The following SORCS1 variants were observed in gnomAD, a reference collection of about 807,000 sequenced individuals.
SORCS1 encodes the protein sortilin related VPS10 domain containing receptor 1.
A neutral mutation model predicts 146.1 loss-of-function variants in SORCS1; 60 were observed. That is an observed-to-expected ratio of 0.41 (90% CI 0.33 to 0.51). The LOEUF is 0.51. Among genes scored for constraint, SORCS1 ranks in the 20% least tolerant of loss-of-function variants. The pLI, the probability that SORCS1 is intolerant of heterozygous loss-of-function variation, is 0.21. For synonymous variants in SORCS1, 637 were observed against 584.0 expected (o/e 1.09, Z -1.31); for missense variants, 1,352 against 1,487.6 (o/e 0.91, Z 1.50).
intron 2 of SORCS1, among the ~76,000 whole-genome samples, chr10:106,859,433 C>T (rs1461006332): frequency 2.0e-5 from 3 of 152,246 alleles, no homozygotes; most frequent in Middle Eastern, 3.4e-3. Flanking sequence ...CTCACTTTGT[C>T]ACCAGGCTGG....
intron 24 of SORCS1, 48 bp from the exon 25 acceptor site, chr10:106,579,522 G>T (rs948835765): frequency 6.3e-7 from 1 of 1,590,086 alleles, no homozygotes. Context: ...AACTGGGCAG[G>T]TGAGACTCTA....
At chr10:106,736,661 G>C (rs12257570) in intron 5 of SORCS1, among the ~76,000 whole-genome samples, 1 of 119,836 alleles carries the variant, frequency 8.3e-6, no homozygotes, top group African/African-American at 3.1e-5. Flanking sequence ...TTTTTGAATA[G>C]ATCATCTTAG....
chr10:106,811,126 G>A (rs952283113), intron 3 of SORCS1, among the ~76,000 whole-genome samples: 2 of 151,946 alleles, frequency 1.3e-5, no homozygotes, highest in Non-Finnish European at 2.9e-5. Flanking sequence ...TTTTAGTAGA[G>A]ACGGGGTTTC....
At chr10:107,051,946 C>G (rs1274534102) in intron 1 of SORCS1, among the ~76,000 whole-genome samples, 3 of 152,094 alleles carry the variant, frequency 2.0e-5, no homozygotes, top group Non-Finnish European at 4.4e-5. Flanking sequence ...TGTGTCCTAC[C>G]CTGCCTTGGT....
chr10:106,704,243 G>T (rs1437163465), intron 8 of SORCS1, among the ~76,000 whole-genome samples: 1 of 152,068 alleles, frequency 6.6e-6, no homozygotes, highest in Non-Finnish European at 1.5e-5. Flanking sequence ...AATTTTGATG[G>T]GGTGATGATG....
intron 24 of SORCS1, among the ~76,000 whole-genome samples, chr10:106,583,279 T>C (rs1427205948): frequency 2.0e-5 from 3 of 152,210 alleles, no homozygotes; most frequent in East Asian, 1.9e-4. Flanking sequence ...CCTGGTGAGA[T>C]AATTTGGGGC....
In SORCS1 at chr10:106,694,301, GCT is replaced by G. The variant is rs747151919; in HGVS notation, c.1413+4911_1413+4912del. Among the ~76,000 whole-genome samples the G allele has an allele frequency of 3.9e-5, 6 of 152,184 alleles. No individual in the cohort carries two copies. In the East Asian group the frequency reaches 1.2e-3, roughly 29 times the overall value. On this transcript the variant is annotated intron_variant, in intron 9 of 25. Coordinates refer to ENST00000263054, the MANE Select transcript of SORCS1 (RefSeq NM_052918.5). ...TTTTCCTTTTTTGAGGAGGAGTCTTGCTCTGTCGCCCAGGCTGGCACCATCTC... is the reference window on the plus strand; with the variant it reads ...TTTTCCTTTTTTGAGGAGGAGTCTTGCTGTCGCCCAGGCTGGCACCATCTC...
chr10:106,950,268 G>A (rs1954605888), intron 2 of SORCS1, among the ~76,000 whole-genome samples: 1 of 152,272 alleles, frequency 6.6e-6, no homozygotes, highest in Middle Eastern at 3.4e-3. Flanking sequence ...CATTAATTTG[G>A]TACAGTGACA....
intron 3 of SORCS1, among the ~76,000 whole-genome samples, chr10:106,798,883 G>A (rs113717165): frequency 1.3e-3 from 203 of 152,208 alleles, no homozygotes; most frequent in African/African-American, 4.8e-3. Flanking sequence ...AAACTACTTT[G>A]AAGTTCATAT....
intron 24 of SORCS1, among the ~76,000 whole-genome samples, chr10:106,595,387 C>A (rs1055103510): frequency 1.3e-5 from 2 of 152,100 alleles, no homozygotes; most frequent in African/African-American, 2.4e-5. Flanking sequence ...TTACACTCAT[C>A]TTTTTCAAGG....
At chr10:106,686,055 A>G (rs565360495) in intron 10 of SORCS1, among the ~76,000 whole-genome samples, 2 of 152,342 alleles carry the variant, frequency 1.3e-5, no homozygotes, top group Middle Eastern at 3.4e-3. Context: ...TCATTGAACT[A>G]TACTCTTAAA....
chr10:107,003,510 T>G (rs1564913322), intron 1 of SORCS1, among the ~76,000 whole-genome samples: 1 of 148,094 alleles, frequency 6.8e-6, no homozygotes, highest in African/African-American at 2.5e-5. Context: ...AGCTATCTCA[T>G]ACAACAAGAA....
At chr10:107,179,684 C>T in the SORCS1 span, among the ~76,000 whole-genome samples, 2 of 152,100 alleles carry the variant, frequency 1.3e-5, no homozygotes, top group African/African-American at 2.4e-5. Flanking sequence ...TGGATAATAA[C>T]TTTAAGCATT....
In SORCS1 at chr10:106,577,533, G is replaced by A; in HGVS notation, c.3394C>T (p.Pro1132Ser). 1 of 1,589,368 alleles carries A rather than the reference G, an allele frequency of 6.3e-7. No individual in the cohort carries two copies. The highest frequency in any genetic ancestry group is 8.6e-7 in the Non-Finnish European group (1 of 1,162,420). ...FKRRVALPSP[P>S]SPSTQPGDSS... is the part of the protein sequence containing the mutation. ...TCACCAGGTTGAGTAGAAGGGGAGG[G>A]AGGGGAGGGTAAAGCTACTCTCCTA... Residue 1132 changes from proline to serine, a missense_variant, in exon 26 of 26, where the codon CCC (proline) becomes TCC (serine). Transcript: ENST00000263054.
intron 3 of SORCS1, among the ~76,000 whole-genome samples, chr10:106,814,464 T>C (rs1441436135): frequency 6.6e-6 from 1 of 152,160 alleles, no homozygotes; most frequent in Non-Finnish European, 1.5e-5. Context: ...GGGGTTCTAG[T>C]TAAAGGCAAC....
rs1341809710 is a variant in SORCS1, at chr10:106,730,116, T to TA, written c.960-3dup. On this transcript the variant is annotated splice_polypyrimidine_tract_variant and splice_region_variant and intron_variant, in intron 5 of 25. Coordinates refer to ENST00000263054, the MANE Select transcript of SORCS1 (RefSeq NM_052918.5). ...TCTTTATTTGACCCCATCACAGACC[T>TA]AAAAAATGGAGAAACATGAAAAGAA... 2 of 1,613,820 alleles carry TA rather than the reference T, an allele frequency of 1.2e-6. No individual in the cohort carries two copies. Among genetic ancestry groups the TA allele is most frequent in the African/African-American group, 1.3e-5 (1 of 74,884 alleles).
chr10:106,967,902 TAA>T (rs879399060), intron 1 of SORCS1, among the ~76,000 whole-genome samples: 1 of 144,880 alleles, frequency 6.9e-6, no homozygotes. Flanking sequence ...GAAAGTCTAT[TAA>T]AAAAAAAAAG....
intron 1 of SORCS1, among the ~76,000 whole-genome samples, chr10:107,077,691 C>T (rs1267408888): frequency 5.9e-5 from 9 of 151,508 alleles, no homozygotes; most frequent in African/African-American, 2.2e-4. Context: ...TGGATCAAGG[C>T]CATTACTCTA....
intron 9 of SORCS1, among the ~76,000 whole-genome samples, chr10:106,698,208 G>A (rs925388121): frequency 6.6e-6 from 1 of 152,134 alleles, no homozygotes; most frequent in African/African-American, 2.4e-5. Flanking sequence ...ATCATTGAAA[G>A]GAATTACAAT....
Sources: gnomAD v4.1 joint callset for allele counts (sites outside exome capture counted in the v4.1 genomes callset) on GRCh38, gnomAD v4.1.1 for gene constraint, MANE v1.5 for transcripts, NCBI Gene and HGNC (gene_info 2026-07-23, HGNC 2026-07-21) for gene names.